Variants in CSNK1G1 observed in about 807,000 individuals in gnomAD.
CSNK1G1 encodes the protein casein kinase I isoform gamma-1.
A neutral mutation model predicts 59.6 loss-of-function variants in CSNK1G1; 22 were observed. The observed-to-expected ratio is 0.37, with a 90% CI of 0.26 to 0.53. The LOEUF (loss-of-function observed/expected upper bound fraction) is 0.53, where lower values mean the gene tolerates loss of function less well. Among genes scored for constraint, CSNK1G1 ranks in the 20% least tolerant of loss-of-function variants. CSNK1G1 has a pLI of 0.89. For synonymous variants in CSNK1G1, 179 were observed against 177.1 expected, an observed-to-expected ratio of 1.01 and a Z score of -0.08; for missense variants, 384 against 519.5, an observed-to-expected ratio of 0.74 and a Z score of 2.54.
intron 1 of CSNK1G1, among the ~76,000 whole-genome samples, chr15:64,337,209 C>A (rs1489261045): frequency 6.6e-6 from 1 of 152,146 alleles, no homozygotes; most frequent in Non-Finnish European, 1.5e-5. Context: ...GCCTGGGCAA[C>A]AGAGCGAGAC....
At chr15:64,211,527 A>C (rs1403218976) in intron 6 of CSNK1G1, among the ~76,000 whole-genome samples, 1 of 152,230 alleles carries the variant, frequency 6.6e-6, no homozygotes, top group African/African-American at 2.4e-5. Context: ...GTACACCAAG[A>C]GATGAAACAG....
intron 1 of CSNK1G1, among the ~76,000 whole-genome samples, chr15:64,337,633 G>GC (rs1555404881): frequency 6.6e-6 from 1 of 152,038 alleles, no homozygotes; most frequent in Non-Finnish European, 1.5e-5. Flanking sequence ...ACCTGGCTTT[G>GC]TTTTTTACTG....
At chr15:64,343,058 C>T (rs1897756910) in intron 1 of CSNK1G1, among the ~76,000 whole-genome samples, 1 of 152,088 alleles carries the variant, frequency 6.6e-6, no homozygotes, top group Non-Finnish European at 1.5e-5. Flanking sequence ...ATTAAAAATA[C>T]AAAATTAGCG....
intron 3 of CSNK1G1, among the ~76,000 whole-genome samples, chr15:64,254,873 C>T (rs529199671): frequency 2.0e-5 from 3 of 152,210 alleles, no homozygotes; most frequent in Non-Finnish European, 4.4e-5. Context: ...CTGCCAAATC[C>T]AATGTCATGA....
chr15:64,263,822 C>CAAAAAAA (rs869123397), intron 2 of CSNK1G1, among the ~76,000 whole-genome samples: 1 of 53,796 alleles, frequency 1.9e-5, no homozygotes, highest in Non-Finnish European at 3.3e-5. Flanking sequence ...TTTTGTTTAC[C>CAAAAAAA]AAAAAAAAAA....
At chr15:64,205,158 G>T (rs2082160109) in intron 7 of CSNK1G1, among the ~76,000 whole-genome samples, 1 of 152,104 alleles carries the variant, frequency 6.6e-6, no homozygotes, top group South Asian at 2.1e-4. Context: ...AATTTTACTT[G>T]TGAAAATATT....
chr15:64,313,202 AG>A, intron 1 of CSNK1G1, among the ~76,000 whole-genome samples: 1 of 152,342 alleles, frequency 6.6e-6, no homozygotes, highest in East Asian at 1.9e-4. Flanking sequence ...CAATTCCTCA[AG>A]GATCTAGAAC....
intron 1 of CSNK1G1, among the ~76,000 whole-genome samples, chr15:64,325,290 G>A (rs1012767383): frequency 2.0e-5 from 3 of 152,010 alleles, no homozygotes; most frequent in African/African-American, 7.2e-5. Context: ...AGCATAGCAG[G>A]CATCCGTTTG....
rs1896110622 is a variant in CSNK1G1, at chr15:64,313,618, T to C, written c.-224-12895A>G. Among the ~76,000 whole-genome samples, 3 of 151,002 alleles carry C rather than the reference T, an allele frequency of 2.0e-5. No individual in the cohort carries two copies. In the South Asian group the frequency reaches 6.3e-4, roughly 32 times the overall value. On this transcript the variant is annotated intron_variant, in intron 1 of 11. Coordinates refer to ENST00000303052, the MANE Select transcript of CSNK1G1 (RefSeq NM_022048.5). ...CCTGTTGGGGGGTGTGGGGCTAGGGTAGGGATAGCATTAGGAGAAATACCT... is the reference window on the plus strand; with the variant it reads ...CCTGTTGGGGGGTGTGGGGCTAGGGCAGGGATAGCATTAGGAGAAATACCT...
At chr15:64,315,332 T>C (rs1239322975) in intron 1 of CSNK1G1, among the ~76,000 whole-genome samples, 1 of 152,156 alleles carries the variant, frequency 6.6e-6, no homozygotes, top group African/African-American at 2.4e-5. Context: ...ACGCCGGGGA[T>C]TACAATGAGC....
rs1240705424 is a variant in CSNK1G1 at position 64,308,016 on chromosome 15, A to G, written c.-224-7293T>C. The stretch of plus-strand genomic sequence containing the variant: ...GCAACTTACGCTTATGTGGTCAGGG[A>G]AAAAAATGTTCGTCTTCTACTTGCC... On this transcript the variant is annotated intron_variant, in intron 1 of 11. Coordinates refer to ENST00000303052, the MANE Select transcript of CSNK1G1 (RefSeq NM_022048.5). Among the ~76,000 whole-genome samples, 4 of 152,130 alleles carry G rather than the reference A, an allele frequency of 2.6e-5. No homozygotes were observed. In the East Asian group the frequency reaches 7.7e-4, roughly 29 times the overall value.
At chr15:64,192,582 G>A (rs1363948291) in intron 10 of CSNK1G1, among the ~76,000 whole-genome samples, 2 of 152,158 alleles carry the variant, frequency 1.3e-5, no homozygotes, top group Non-Finnish European at 2.9e-5. Flanking sequence ...TAATGTAAGA[G>A]TGACACTAAC....
rs2082095792 is a variant in CSNK1G1 at position 64,200,727 on chromosome 15, T to C, written c.1107+2355A>G. On this transcript the variant is annotated intron_variant, in intron 10 of 11. Coordinates refer to ENST00000303052, the MANE Select transcript of CSNK1G1 (RefSeq NM_022048.5). The surrounding 1 kb of genome is among the most constrained non-coding windows in gnomAD (Gnocchi z 4.3). ...CCAACCCTATTTCTGTTAATAATTT[T>C]GATCTCCTTCCATTGATTCTGCTTA... 6.6e-6 allele frequency among the ~76,000 whole-genome samples: 1 copy of C among 152,236 alleles called. No individual in the cohort carries two copies. Among genetic ancestry groups the C allele is most frequent in the Admixed American group, 6.5e-5 (1 of 15,286 alleles).
chr15:64,275,343 T>C (rs531868701), intron 2 of CSNK1G1, among the ~76,000 whole-genome samples: 9 of 152,086 alleles, frequency 5.9e-5, no homozygotes, highest in Non-Finnish European at 1.2e-4. Context: ...CCAAAGAGCA[T>C]CTCTTTAAGT....
chr15:64,348,004 C>CAA (rs922049447), intron 1 of CSNK1G1, among the ~76,000 whole-genome samples: 2 of 88,252 alleles, frequency 2.3e-5, no homozygotes, highest in Non-Finnish European at 4.7e-5. Context: ...AACTCTGTGT[C>CAA]AAAAAAAAAA....
At chr15:64,278,531 C>T (rs969803407) in intron 2 of CSNK1G1, among the ~76,000 whole-genome samples, 28 of 151,688 alleles carry the variant, frequency 1.8e-4, no homozygotes, top group African/African-American at 5.3e-4. Flanking sequence ...CGGGTTCAAG[C>T]GATTCGCCTG....
At chr15:64,258,726 T>C (rs916907436) in intron 3 of CSNK1G1, among the ~76,000 whole-genome samples, 4 of 152,200 alleles carry the variant, frequency 2.6e-5, no homozygotes, top group Admixed American at 6.6e-5. Flanking sequence ...AGTACTAATA[T>C]ACCAATTGAC....
chr15:64,211,958 A>T (rs1267309015), intron 6 of CSNK1G1, among the ~76,000 whole-genome samples: 2 of 152,250 alleles, frequency 1.3e-5, no homozygotes, highest in African/African-American at 4.8e-5. Context: ...CATAATCTTA[A>T]GTTTATTATT....
At chr15:64,266,736 C>A (rs986879836) in intron 2 of CSNK1G1, among the ~76,000 whole-genome samples, 1 of 152,106 alleles carries the variant, frequency 6.6e-6, no homozygotes, top group Admixed American at 6.6e-5. Context: ...TGATTTTCGA[C>A]AAAGATGCCA....
Sources: gnomAD v4.1 joint callset for allele counts (sites outside exome capture counted in the v4.1 genomes callset) on GRCh38, gnomAD v4.1.1 for gene constraint, Gnocchi (gnomAD v3.1) non-coding constraint, MANE v1.5 for transcripts, NCBI Gene and HGNC (gene_info 2026-07-23, HGNC 2026-07-21) for gene names.